PDE1A: variants seen among roughly 807,000 people sequenced by gnomAD.
The protein encoded by PDE1A is dual specificity calcium/calmodulin-dependent 3',5'-cyclic nucleotide phosphodiesterase 1A.
Under a neutral mutation model 61.7 loss-of-function variants are expected in PDE1A, and 35 were observed. The observed-to-expected ratio is 0.57, with a 90% CI of 0.43 to 0.75. The LOEUF is 0.75. Among genes scored for constraint, PDE1A ranks in the 30% least tolerant of loss-of-function variants. The probability of loss-of-function intolerance (pLI) is 0.00; values close to 1 mark genes in which losing one functional copy is unlikely to be tolerated. For missense variants in PDE1A, 597 were observed against 630.6 expected (o/e 0.95, Z 0.57); for synonymous variants, 232 against 213.2 (o/e 1.09, Z -0.77).
At chr2:182,355,872 A>G (rs1329059139) in intron 1 of PDE1A, among the ~76,000 whole-genome samples, 7 of 152,300 alleles carry the variant, frequency 4.6e-5, no homozygotes, top group African/African-American at 1.7e-4. Flanking sequence ...CTCCTTTAAA[A>G]TAATTTGTCT....
the PDE1A span, among the ~76,000 whole-genome samples, chr2:182,701,028 T>C: frequency 1.7e-5 from 2 of 117,384 alleles, no homozygotes; most frequent in Admixed American, 1.9e-4. Context: ...GACTTTCTGT[T>C]TTTTGTTTTT....
At chr2:182,222,425 C>G (rs980860554) in intron 7 of PDE1A, among the ~76,000 whole-genome samples, 1 of 151,874 alleles carries the variant, frequency 6.6e-6, no homozygotes, top group African/African-American at 2.4e-5. Flanking sequence ...GCACAGGAGA[C>G]TTTTAGGGCC....
chr2:182,701,254 C>T, the PDE1A span, among the ~76,000 whole-genome samples: 1 of 151,934 alleles, frequency 6.6e-6, no homozygotes, highest in Non-Finnish European at 1.5e-5. Flanking sequence ...CCAGGATGGT[C>T]TCGATCTCCT....
intron 2 of PDE1A, among the ~76,000 whole-genome samples, chr2:182,444,828 T>C (rs1255151991): frequency 6.6e-6 from 1 of 152,178 alleles, no homozygotes; most frequent in Non-Finnish European, 1.5e-5. Context: ...TGTACTTCAG[T>C]ACTTAATTTA....
chr2:182,370,117 C>CA (rs1405770776), intron 1 of PDE1A, among the ~76,000 whole-genome samples: 5 of 151,488 alleles, frequency 3.3e-5, no homozygotes, highest in Admixed American at 2.0e-4. Context: ...GCAGAGGTTG[C>CA]AGTGAGCTGA....
chr2:182,351,014 A>C (rs765383226), intron 1 of PDE1A, among the ~76,000 whole-genome samples: 1 of 152,212 alleles, frequency 6.6e-6, no homozygotes, highest in Non-Finnish European at 1.5e-5. Flanking sequence ...AGTTTGGCTT[A>C]TGGTAAAAGA....
chr2:182,397,306 G>A (rs1374246622), intron 1 of PDE1A, among the ~76,000 whole-genome samples: 1 of 152,006 alleles, frequency 6.6e-6, no homozygotes, highest in Admixed American at 6.6e-5. Flanking sequence ...TTCTGTTCTT[G>A]TAGGTCGAAA....
chr2:182,278,245 C>G (rs1050838911), intron 1 of PDE1A, among the ~76,000 whole-genome samples: 5 of 151,984 alleles, frequency 3.3e-5, no homozygotes, highest in African/African-American at 1.2e-4. Context: ...TGTGATTTAA[C>G]AAGCTTACAC....
intron 3 of PDE1A, among the ~76,000 whole-genome samples, chr2:182,237,214 C>T (rs762365296): frequency 3.9e-5 from 6 of 152,120 alleles, no homozygotes; most frequent in Non-Finnish European, 7.4e-5. Flanking sequence ...ATTTTAAGGA[C>T]GGGCGCAGTG....
chr2:182,709,383 A>C, the PDE1A span, among the ~76,000 whole-genome samples: 1 of 152,218 alleles, frequency 6.6e-6, no homozygotes, highest in Non-Finnish European at 1.5e-5. Flanking sequence ...TGTACATAAT[A>C]AACATTTATT....
intron 1 of PDE1A, among the ~76,000 whole-genome samples, chr2:182,320,262 T>G (rs1421636046): frequency 6.6e-6 from 1 of 152,152 alleles, no homozygotes; most frequent in Non-Finnish European, 1.5e-5. Flanking sequence ...TTGGTTTTGT[T>G]GGTTATTTGA....
chr2:182,202,424 T>G (rs1686736144), intron 8 of PDE1A, among the ~76,000 whole-genome samples: 1 of 152,194 alleles, frequency 6.6e-6, no homozygotes, highest in African/African-American at 2.4e-5. Context: ...ATACCGATAA[T>G]AAAATACTTT....
upstream of PDE1A, chr2:182,522,794 CAGA>C: frequency 2.7e-6 from 1 of 373,870 alleles, no homozygotes; most frequent in Non-Finnish European, 3.7e-6. Flanking sequence ...TTTCGCGCTC[CAGA>C]AGAAGCTGAA....
At chr2:182,670,544 A>G in the PDE1A span, among the ~76,000 whole-genome samples, 1 of 152,194 alleles carries the variant, frequency 6.6e-6, no homozygotes, top group Non-Finnish European at 1.5e-5. Flanking sequence ...ATGATGCATC[A>G]CAATCACCTG....
At chr2:182,393,935 G>A (rs896957579) in intron 1 of PDE1A, among the ~76,000 whole-genome samples, 2 of 152,182 alleles carry the variant, frequency 1.3e-5, no homozygotes, top group Non-Finnish European at 2.9e-5. Flanking sequence ...TCTCTAGGAA[G>A]TTCCACACTT....
At chr2:182,302,917 C>T (rs1468106230) in intron 1 of PDE1A, among the ~76,000 whole-genome samples, 6 of 152,194 alleles carry the variant, frequency 3.9e-5, no homozygotes, top group East Asian at 1.9e-4. Context: ...TCTTTGCTCA[C>T]GCATAAGAAG....
At chr2:182,688,129 C>T in the PDE1A span, among the ~76,000 whole-genome samples, 1 of 152,124 alleles carries the variant, frequency 6.6e-6, no homozygotes, top group East Asian at 1.9e-4. Flanking sequence ...GGAGAACTTC[C>T]CCAACCTAGC....
intron 1 of PDE1A, among the ~76,000 whole-genome samples, chr2:182,410,753 C>G (rs1263713104): frequency 6.6e-6 from 1 of 152,136 alleles, no homozygotes; most frequent in East Asian, 1.9e-4. Context: ...TCCCATCAAG[C>G]TTTAATTGTT....
intron 2 of PDE1A, among the ~76,000 whole-genome samples, chr2:182,485,606 C>G (rs975354429): frequency 6.6e-6 from 1 of 151,848 alleles, no homozygotes; most frequent in Non-Finnish European, 1.5e-5. Context: ...AAAACGGTAG[C>G]AAACCAAATC....
Sources: gnomAD v4.1 joint callset for allele counts (sites outside exome capture counted in the v4.1 genomes callset) on GRCh38, gnomAD v4.1.1 for gene constraint, MANE v1.5 for transcripts, NCBI Gene and HGNC (gene_info 2026-07-23, HGNC 2026-07-21) for gene names.